NAP1L1: variants seen among roughly 807,000 people sequenced by gnomAD.
The protein encoded by NAP1L1 is nucleosome assembly protein 1-like 1.
Under a neutral mutation model 58.9 loss-of-function variants are expected in NAP1L1, and 9 were observed. The ratio of observed to expected loss-of-function variants is 0.15; its 90% CI spans 0.09 to 0.27. NAP1L1 has a LOEUF of 0.27. Ranked by LOEUF, NAP1L1 falls within the 10% of genes least tolerant of loss-of-function variation. The pLI is 1.00. For missense variants in NAP1L1, 302 were observed against 458.8 expected (o/e 0.66, Z 3.12); for synonymous variants, 130 against 138.3 (o/e 0.94, Z 0.42).
At chr12:76,066,412 T>G (rs1359142752) in intron 4 of NAP1L1, among the ~76,000 whole-genome samples, 2 of 152,018 alleles carry the variant, frequency 1.3e-5, no homozygotes, top group Non-Finnish European at 2.9e-5. Flanking sequence ...ACACATTATT[T>G]AGAATGTCTA....
rs1440324062 is a variant in NAP1L1, at chr12:76,053,919, G to A, written c.631-10C>T. ...ATTCTAAGACAAAACTCTGGGGAGA[G>A]GAAGCATAAAAATCAGTTAAATACC... On this transcript the variant is annotated splice_polypyrimidine_tract_variant and intron_variant, in intron 8 of 14. Transcript: ENST00000618691. The A allele has an allele frequency of 7.5e-6, 12 of 1,591,740 alleles. No homozygotes were observed. Among genetic ancestry groups the A allele is most frequent in the South Asian group, 1.2e-5 (1 of 86,642 alleles).
chr12:76,076,551 TATA>T (rs1486131805), intron 1 of NAP1L1, among the ~76,000 whole-genome samples: 20 of 4,874 alleles, frequency 4.1e-3, no homozygotes, highest in Admixed American at 5.4e-3. Context: ...GATATGGAAA[TATA>T]TATATATATA....
chr12:76,084,625 C>T lies in NAP1L1; in HGVS notation c.-79G>A. 6.5e-6 allele frequency: 1 copy of T among 153,918 alleles called. No homozygotes were observed. The highest frequency in any genetic ancestry group is 1.4e-5 in the Non-Finnish European group (1 of 69,306). The allele number at this position is 153,918 out of a possible 1,614,324, so 9.5% of individuals were successfully genotyped here. On this transcript the variant is annotated 5_prime_UTR_variant, in exon 1 of 15. Transcript: ENST00000618691. ...CTGCGCAGGCAGTGACTCAGGGCGG[C>T]AGCGGCAGCAGCAGCGGGAGGAGCA... is the stretch of plus-strand genomic sequence containing the variant.
At chr12:76,049,400 C>T in intron 13 of NAP1L1, 150 bp from the exon 14 acceptor site, 2 of 1,537,166 alleles carry the variant, frequency 1.3e-6, no homozygotes, top group Non-Finnish European at 1.7e-6. Context: ...AATTTGAAAG[C>T]TTCTAATATG....
chr12:76,043,209 G>C lies in NAP1L1; in HGVS notation c.*5220C>G, dbSNP rs919730448. ...GTTCTGACCTTCAAATGGCTGACTT[G>C]GTCTATCAATCATGTCTTCCTTTAA... On this transcript the variant is annotated 3_prime_UTR_variant, in exon 15 of 15. Transcript: ENST00000618691. 6.6e-6 allele frequency: 1 copy of C among 152,062 alleles called. No individual in the cohort carries two copies. The highest frequency in any genetic ancestry group is 1.5e-5 in the Non-Finnish European group (1 of 68,028). The allele number at this position is 152,062 out of a possible 1,614,324, so 9.4% of individuals were successfully genotyped here. A position where few individuals can be genotyped will look rare whatever the true frequency, so the allele number is the denominator to read the frequency against.
rs1948633783 is a variant in NAP1L1 at position 76,047,411 on chromosome 12, T to G, written c.*1018A>C. On this transcript the variant is annotated 3_prime_UTR_variant, in exon 15 of 15. Transcript: ENST00000618691. ...TTTAAAAGAAAACAGCATCAATCAC[T>G]TAAGATTTTCTTCCTCTTTTTTTTT... 6.6e-6 allele frequency: 1 copy of G among 150,794 alleles called. No homozygotes were observed. Among genetic ancestry groups the G allele is most frequent in the Non-Finnish European group, 1.5e-5 (1 of 67,634 alleles). 9.3% of individuals were successfully genotyped at this position (150,794 alleles called of 1,614,324 possible).
chr12:76,072,726 T>C (rs1432833178), intron 2 of NAP1L1, among the ~76,000 whole-genome samples: 2 of 152,164 alleles, frequency 1.3e-5, no homozygotes, highest in Admixed American at 1.3e-4. Context: ...TTACAATGAC[T>C]CTGAACTTCA....
At chr12:76,074,326 T>C in intron 1 of NAP1L1, 87 bp from the exon 2 acceptor site, 2 of 1,389,214 alleles carry the variant, frequency 1.4e-6, no homozygotes, top group South Asian at 1.8e-5. Flanking sequence ...ATCAATACCA[T>C]ACTGAAAACT....
intron 10 of NAP1L1, 38 bp downstream of exon 10, chr12:76,053,166 TA>T (rs770071061): frequency 6.2e-7 from 1 of 1,612,350 alleles, no homozygotes; most frequent in Non-Finnish European, 8.5e-7. Context: ...ATGCTTTTTA[TA>T]AAACAACCGT....
At position 76,053,746 on chromosome 12, in the gene NAP1L1, T is replaced by C. The variant is rs1248942596; in HGVS notation, c.770+24A>G. The C allele has an allele frequency of 1.9e-6, 3 of 1,594,710 alleles. No homozygotes were observed. The African/African-American group carries it at 4.1e-5, about 22-fold the overall frequency. On this transcript the variant is annotated intron_variant, in intron 9 of 14. Transcript: ENST00000618691. ...TAACAAAAACAGAAAAAACATTTTG[T>C]TAAGGTAGTAAAATTAAACTCACCC... is the stretch of plus-strand genomic sequence containing the variant.
rs1004834154 is a variant in NAP1L1 at position 76,044,316 on chromosome 12, A to G, written c.*4113T>C. 6.6e-6 allele frequency: 1 copy of G among 152,192 alleles called. No homozygotes were observed. The highest frequency in any genetic ancestry group is 1.5e-5 in the Non-Finnish European group (1 of 68,032). 9.4% of individuals were successfully genotyped at this position (152,192 alleles called of 1,614,324 possible). On this transcript the variant is annotated 3_prime_UTR_variant, in exon 15 of 15. Coordinates refer to ENST00000618691, the MANE Select transcript of NAP1L1 (RefSeq NM_004537.7). The stretch of plus-strand genomic sequence containing the variant: ...GACTCTATCTCAAAAATAAAAATAA[A>G]TGGATAAAACATGTAAGAAACTAAA...
At chr12:76,077,888 G>A (rs1476387550) in intron 1 of NAP1L1, among the ~76,000 whole-genome samples, 3 of 148,380 alleles carry the variant, frequency 2.0e-5, no homozygotes, top group African/African-American at 5.0e-5. Flanking sequence ...GGAGGCTGAG[G>A]CAGGAGAATT....
intron 1 of NAP1L1, chr12:76,084,066 C>A (rs1290411734): frequency 1.3e-5 from 2 of 152,220 alleles, no homozygotes; most frequent in Admixed American, 1.3e-4. Context: ...CACAGCCCCT[C>A]CCTCCCGTCG....
chr12:76,050,932 T>C (rs377442120), intron 11 of NAP1L1, among the ~76,000 whole-genome samples: 22 of 151,056 alleles, frequency 1.5e-4, no homozygotes, highest in Admixed American at 8.6e-4. Flanking sequence ...GGTGGGAAGA[T>C]TGCTGGAGCC....
At chr12:76,058,723 T>A (rs901404121) in intron 6 of NAP1L1, among the ~76,000 whole-genome samples, 1 of 152,126 alleles carries the variant, frequency 6.6e-6, no homozygotes, top group Admixed American at 6.5e-5. Context: ...AAAAACCCGG[T>A]AGACTTTGCG....
intron 1 of NAP1L1, among the ~76,000 whole-genome samples, chr12:76,082,735 T>A (rs1773563316): frequency 4.6e-5 from 7 of 152,192 alleles, no homozygotes; most frequent in Admixed American, 4.6e-4. Flanking sequence ...ACTGTAAAAG[T>A]CATTTACTTC....
chr12:76,049,106 A>G, intron 14 of NAP1L1, 94 bp downstream of exon 14: 1 of 1,265,428 alleles, frequency 7.9e-7, no homozygotes, highest in Non-Finnish European at 1.1e-6. Flanking sequence ...TTATTTATTA[A>G]AGACTTTAAC....
At chr12:76,060,905 C>T in intron 4 of NAP1L1, 1 of 261,438 alleles carries the variant, frequency 3.8e-6, no homozygotes, top group South Asian at 3.3e-5. Context: ...CCAGCCTGGG[C>T]AACATGACAA....
intron 2 of NAP1L1, among the ~76,000 whole-genome samples, chr12:76,072,277 T>C (rs745368943): frequency 2.3e-5 from 3 of 129,818 alleles, no homozygotes; most frequent in Non-Finnish European, 4.9e-5. Flanking sequence ...TTATCATCAA[T>C]GAAACAAGAA....
Sources: gnomAD v4.1 joint callset for allele counts (sites outside exome capture counted in the v4.1 genomes callset) on GRCh38, gnomAD v4.1.1 for gene constraint, MANE v1.5 for transcripts, NCBI Gene and HGNC (gene_info 2026-07-23, HGNC 2026-07-21) for gene names.